GAB1: variants seen among roughly 807,000 people sequenced by gnomAD.
The protein encoded by GAB1 is GRB2-associated-binding protein 1.
GAB1 carries 19 observed loss-of-function variants against 66.5 expected under a neutral mutation model. That is an observed-to-expected ratio of 0.29 (90% confidence interval 0.20 to 0.42). The LOEUF (loss-of-function observed/expected upper bound fraction) is 0.42, where lower values mean the gene tolerates loss of function less well. Among genes scored for constraint, GAB1 ranks in the 10% least tolerant of loss-of-function variants. GAB1 has a pLI of 1.00. For missense variants in GAB1, 732 were observed against 858.5 expected (o/e 0.85, Z 1.84); for synonymous variants, 294 against 301.4 (o/e 0.98, Z 0.25).
intron 1 of GAB1, among the ~76,000 whole-genome samples, chr4:143,373,879 ATATATATT>A (rs1239853462): frequency 1.4e-4 from 19 of 135,746 alleles, no homozygotes; most frequent in Admixed American, 2.9e-4. Flanking sequence ...ATATATATAT[ATATATATT>A]TTTACCTTTC....
intron 6 of GAB1, among the ~76,000 whole-genome samples, chr4:143,447,061 C>T (rs1734595785): frequency 1.3e-5 from 2 of 152,086 alleles, no homozygotes; most frequent in Admixed American, 6.5e-5. Flanking sequence ...AATCCTTTCC[C>T]CATTTCTTGT....
Position 143,457,604 on chromosome 4 carries a change from T to C in GAB1, c.1586-1781T>C, listed in dbSNP as rs558040029. 1.4e-4 allele frequency: 78 copies of C among 555,788 alleles called. No individual in the cohort carries two copies. In the South Asian group the frequency reaches 2.5e-3, roughly 17 times the overall value. The allele number at this position is 555,788 out of a possible 1,614,324, so 34.4% of individuals were successfully genotyped here. A position where few individuals can be genotyped will look rare whatever the true frequency, so the allele number is the denominator to read the frequency against. On this transcript the variant is annotated intron_variant, in intron 6 of 9. Transcript: ENST00000262994. ...GCACAGGGCTCTGTTGCTTTTTTTT[T>C]TTTTTTTTTTTACAGAATCCATTTT... is the stretch of plus-strand genomic sequence containing the variant.
chr4:143,359,796 G>A (rs772438129), intron 1 of GAB1, among the ~76,000 whole-genome samples: 3 of 152,218 alleles, frequency 2.0e-5, no homozygotes, highest in African/African-American at 4.8e-5. Flanking sequence ...GGCAAAGGGT[G>A]TTTGTTAACC....
intron 3 of GAB1, among the ~76,000 whole-genome samples, chr4:143,434,769 C>G (rs796250596): frequency 9.8e-5 from 15 of 152,304 alleles, no homozygotes; most frequent in African/African-American, 3.6e-4. Context: ...TCCCTGCCCC[C>G]ACACCCCTTT....
intron 6 of GAB1, among the ~76,000 whole-genome samples, chr4:143,448,291 T>A (rs1040757764): frequency 6.6e-6 from 1 of 151,956 alleles, no homozygotes; most frequent in African/African-American, 2.4e-5. Flanking sequence ...GGTATCAGGA[T>A]GATGCTGGCC....
intron 1 of GAB1, among the ~76,000 whole-genome samples, chr4:143,414,227 C>A (rs1202971972): frequency 6.6e-6 from 1 of 152,104 alleles, no homozygotes; most frequent in African/African-American, 2.4e-5. Flanking sequence ...TCTTTTCTGT[C>A]TAGCTGCCTC....
rs550824380 is a variant in GAB1, at chr4:143,449,657, A to G, written c.1585+9275A>G. On this transcript the variant is annotated intron_variant, in intron 6 of 9. Transcript: ENST00000262994. ...CCATTTGCTTGGTAGATCTTCCTCC[A>G]TCCTTTTATTTTGAGCCTGTGTGTG... Among the ~76,000 whole-genome samples the G allele has an allele frequency of 2.9e-3, 445 of 152,106 alleles. 1 individual carries two copies. The highest frequency in any genetic ancestry group is 4.9e-3 in the Non-Finnish European group (331 of 68,006).
At chr4:143,355,790 G>C (rs1729421798) in intron 1 of GAB1, among the ~76,000 whole-genome samples, 2 of 152,012 alleles carry the variant, frequency 1.3e-5, no homozygotes, top group Admixed American at 1.3e-4. Flanking sequence ...GTTTAATCTT[G>C]AGCATATGAG....
intron 1 of GAB1, among the ~76,000 whole-genome samples, chr4:143,407,359 A>G (rs1425779464): frequency 6.6e-6 from 1 of 151,872 alleles, no homozygotes; most frequent in Non-Finnish European, 1.5e-5. Context: ...AGTAAATTAT[A>G]TGCACTATTA....
chr4:143,446,264 G>T (rs886107005), intron 6 of GAB1, among the ~76,000 whole-genome samples: 1 of 152,170 alleles, frequency 6.6e-6, no homozygotes, highest in African/African-American at 2.4e-5. Flanking sequence ...ACGTGTGCAT[G>T]TGTCTTTATA....
chr4:143,415,332 C>T, intron 1 of GAB1, 145 bp from the exon 2 acceptor site: 1 of 628,158 alleles, frequency 1.6e-6, no homozygotes, highest in South Asian at 2.3e-5. Flanking sequence ...GCAGATTATC[C>T]TGTGGTAAAA....
intron 1 of GAB1, among the ~76,000 whole-genome samples, chr4:143,344,722 T>G (rs1052975958): frequency 2.6e-5 from 4 of 152,202 alleles, no homozygotes; most frequent in Non-Finnish European, 5.9e-5. Context: ...TGGAATTTTT[T>G]GCTCATTCTA....
chr4:143,357,310 G>GT (rs1233892639), intron 1 of GAB1, among the ~76,000 whole-genome samples: 2 of 152,172 alleles, frequency 1.3e-5, no homozygotes, highest in African/African-American at 4.8e-5. Flanking sequence ...CCTGACATCT[G>GT]TATCTGTTCA....
intron 1 of GAB1, among the ~76,000 whole-genome samples, chr4:143,341,030 C>G (rs544146665): frequency 6.6e-6 from 1 of 152,310 alleles, no homozygotes; most frequent in Non-Finnish European, 1.5e-5. Context: ...GCTTTTCCTT[C>G]TCTTTTTAAT....
chr4:143,425,246 T>C, intron 2 of GAB1: 1 of 959,886 alleles, frequency 1.0e-6, no homozygotes, highest in Admixed American at 1.7e-5. Context: ...ATGCCATTGT[T>C]GCCGTTGAAA....
At chr4:143,454,509 T>C (rs903409500) in intron 6 of GAB1, among the ~76,000 whole-genome samples, 1 of 152,200 alleles carries the variant, frequency 6.6e-6, no homozygotes, top group Non-Finnish European at 1.5e-5. Context: ...GAAAGCTCAC[T>C]GGCACTAGAG....
chr4:143,346,553 T>G (rs1461581257), intron 1 of GAB1, among the ~76,000 whole-genome samples: 1 of 152,218 alleles, frequency 6.6e-6, no homozygotes, highest in Non-Finnish European at 1.5e-5. Flanking sequence ...GTAAGAGAGA[T>G]ACTAGGTAAA....
chr4:143,359,330 C>G (rs1479647228), intron 1 of GAB1, among the ~76,000 whole-genome samples: 1 of 152,150 alleles, frequency 6.6e-6, no homozygotes, highest in African/African-American at 2.4e-5. Flanking sequence ...TTAACTATTT[C>G]CATTAATGAG....
At chr4:143,389,117 C>T (rs1358078327) in intron 1 of GAB1, among the ~76,000 whole-genome samples, 7 of 152,244 alleles carry the variant, frequency 4.6e-5, no homozygotes, top group African/African-American at 1.7e-4. Flanking sequence ...GGTATTTTCA[C>T]AGCTTCATCT....
Sources: allele counts gnomAD v4.1 joint callset (sites outside exome capture counted in the v4.1 genomes callset), GRCh38; gene constraint gnomAD v4.1.1; transcripts MANE v1.5; gene names NCBI Gene and HGNC (gene_info 2026-07-23, HGNC 2026-07-21).